The following CTNNAL1 variants were observed in gnomAD, a reference collection of about 807,000 sequenced individuals.
The protein encoded by CTNNAL1 is catenin alpha like 1.
In CTNNAL1, 69 loss-of-function variants were observed where a neutral mutation model predicts 93.6. That is an observed-to-expected ratio of 0.74 (90% confidence interval 0.61 to 0.90). The LOEUF is 0.90. CTNNAL1 is among the 40% of genes least tolerant of loss of function. The pLI, the probability that CTNNAL1 is intolerant of heterozygous loss-of-function variation, is 0.00. For missense variants in CTNNAL1, 836 were observed against 862.0 expected (o/e 0.97, Z 0.38); for synonymous variants, 286 against 305.4 (o/e 0.94, Z 0.66).
At chr9:108,999,299 TC>T (rs201957388) in intron 1 of CTNNAL1, 43 bp from the exon 2 acceptor site, 765 of 1,517,268 alleles carry the variant, frequency 5.0e-4, no homozygotes, top group Admixed American at 2.3e-3. Context: ...CAATACCTTT[TC>T]TTTTTTAAGC....
chr9:109,001,522 T>C (rs906189690), intron 1 of CTNNAL1, among the ~76,000 whole-genome samples: 9 of 152,174 alleles, frequency 5.9e-5, no homozygotes, highest in African/African-American at 2.2e-4. Flanking sequence ...GAGTAGGTCA[T>C]AGAACACATA....
chr9:108,948,052 A>T, intron 15 of CTNNAL1, 134 bp downstream of exon 15: 1 of 1,018,988 alleles, frequency 9.8e-7, no homozygotes, highest in Non-Finnish European at 1.4e-6. Context: ...CTACTTTTCT[A>T]CTGCTCTCTG....
In CTNNAL1 at chr9:108,979,594, A is replaced by C. The variant is rs1831367706; in HGVS notation, c.901-113T>G. The C allele has an allele frequency of 5.2e-6, 5 of 956,716 alleles. No homozygotes were observed. The Admixed American group carries it at 1.2e-4, about 22-fold the overall frequency. 59.3% of individuals were successfully genotyped at this position (956,716 alleles called of 1,614,324 possible). ...AAAACACTAGCATTTCCTTTTCCCAAGCTGAGGGGAAATACAGCCACCAAT... is the reference window on the plus strand; with the variant it reads ...AAAACACTAGCATTTCCTTTTCCCACGCTGAGGGGAAATACAGCCACCAAT... On this transcript the variant is annotated intron_variant, in intron 6 of 18. Transcript: ENST00000325551.
rs371024182 is a variant in CTNNAL1 at position 108,984,340 on chromosome 9, G to T, written c.729+7C>A. ...TTTATTACACAGTAAAACCAAAATT[G>T]TCTTACCTTTGAAGCTGTGAGAAGC... On this transcript the variant is annotated splice_region_variant and intron_variant, in intron 5 of 18. Transcript: ENST00000325551. 43 of 1,558,106 alleles carry T rather than the reference G, an allele frequency of 2.8e-5. No homozygotes were observed. In the African/African-American group the frequency reaches 5.3e-4, roughly 19 times the overall value.
chr9:109,003,790 G>A (rs1826927026), intron 1 of CTNNAL1, among the ~76,000 whole-genome samples: 1 of 152,204 alleles, frequency 6.6e-6, no homozygotes, highest in African/African-American at 2.4e-5. Flanking sequence ...CAACATCATG[G>A]ATTTCCAGCT....
At position 108,992,390 on chromosome 9, in the gene CTNNAL1, C is replaced by CTT. The variant is rs76492886; in HGVS notation, c.519+240_519+241dup. 6.0e-4 allele frequency among the ~76,000 whole-genome samples: 84 copies of CTT among 139,988 alleles called. 2 individuals are homozygous for CTT. In the East Asian group the frequency reaches 0.014, roughly 23 times the overall value. The allele number at this position is 139,988 out of a possible 152,430, so 91.8% of individuals were successfully genotyped here. ...TACAATTAACCTAAAAAGAACTTTTCTTTTTTTTTTTTTTTAAGCAACGCT... is the reference window on the plus strand; with the variant it reads ...TACAATTAACCTAAAAAGAACTTTTCTTTTTTTTTTTTTTTTTAAGCAACGCT... On this transcript the variant is annotated intron_variant, in intron 3 of 18. Transcript: ENST00000325551.
chr9:108,976,059 G>T (rs1587965693), intron 8 of CTNNAL1, among the ~76,000 whole-genome samples: 2 of 152,280 alleles, frequency 1.3e-5, no homozygotes, highest in Middle Eastern at 6.8e-3. Context: ...ATACTGTTCA[G>T]TGAGTTTTGA....
chr9:108,979,915 A>C (rs1457447804), intron 6 of CTNNAL1, among the ~76,000 whole-genome samples: 1 of 152,234 alleles, frequency 6.6e-6, no homozygotes, highest in Non-Finnish European at 1.5e-5. Context: ...GGGTGTGAGA[A>C]GCACTGGGGA....
chr9:108,987,780 C>G lies in CTNNAL1; in HGVS notation c.639+2946G>C, dbSNP rs190639966. On this transcript the variant is annotated intron_variant, in intron 4 of 18. Coordinates refer to ENST00000325551, the MANE Select transcript of CTNNAL1 (RefSeq NM_003798.4). ...GTTGGATTCCTAAGTATTTTATTCT[C>G]TTTGAAGCAATTGTGAATGGGAGTT... 2.8e-3 allele frequency among the ~76,000 whole-genome samples: 420 copies of G among 152,318 alleles called. 1 individual carries two copies. Among genetic ancestry groups the G allele is most frequent in the Middle Eastern group, 6.8e-3 (2 of 294 alleles).
chr9:108,999,198 G>T lies in CTNNAL1; in HGVS notation c.200C>A (p.Ala67Glu). 1 of 1,612,230 alleles carries T rather than the reference G, an allele frequency of 6.2e-7. No homozygotes were observed. The highest frequency in any genetic ancestry group is 8.5e-7 in the Non-Finnish European group (1 of 1,179,318). Residue 67 changes from alanine (A) to glutamate (E), a missense_variant, in exon 2 of 19, where the codon GCA (alanine) becomes GAA (glutamate). Ala to Glu is a moderately radical substitution (Grantham distance 107). Coordinates refer to ENST00000325551, the MANE Select transcript of CTNNAL1 (RefSeq NM_003798.4). ...NTKKSDKTLQAIQRVGQAVNL... is the reference protein window; with the variant it reads ...NTKKSDKTLQEIQRVGQAVNL... ...GACAGCTTGTCCTACACGCTGAATT[G>T]CTTGCAGAGTTTTATCAGACTTTTT...
intron 11 of CTNNAL1, among the ~76,000 whole-genome samples, chr9:108,956,549 TTTC>T (rs1830692838): frequency 6.6e-6 from 1 of 152,180 alleles, no homozygotes; most frequent in Non-Finnish European, 1.5e-5. Flanking sequence ...TGAAGAAAAA[TTTC>T]TTCTTCAAGG....
intron 15 of CTNNAL1, among the ~76,000 whole-genome samples, chr9:108,947,445 C>T (rs142137787): frequency 4.6e-4 from 70 of 152,276 alleles, no homozygotes; most frequent in African/African-American, 1.6e-3. Context: ...CTCAGATGTA[C>T]ATGGGAATGC....
intron 2 of CTNNAL1, among the ~76,000 whole-genome samples, chr9:108,996,110 G>A (rs1463297491): frequency 2.6e-5 from 4 of 151,870 alleles, no homozygotes; most frequent in Admixed American, 6.6e-5. Context: ...CTGGAGGCAC[G>A]CACCACCACA....
At chr9:108,944,917 C>G (rs1471238522) in intron 15 of CTNNAL1, among the ~76,000 whole-genome samples, 6 of 152,226 alleles carry the variant, frequency 3.9e-5, no homozygotes, top group Admixed American at 1.3e-4. Context: ...TTGCAACCTT[C>G]CCTTTAAAAG....
At chr9:108,960,174 G>T (rs1352414157) in intron 11 of CTNNAL1, among the ~76,000 whole-genome samples, 1 of 152,154 alleles carries the variant, frequency 6.6e-6, no homozygotes, top group African/African-American at 2.4e-5. Context: ...CAGCTTATCA[G>T]CTAAACTCAG....
intron 11 of CTNNAL1, among the ~76,000 whole-genome samples, chr9:108,958,414 G>A (rs551994403): frequency 6.6e-6 from 1 of 152,272 alleles, no homozygotes; most frequent in African/African-American, 2.4e-5. Flanking sequence ...CATCCACCTA[G>A]TAGTATTTAT....
At chr9:108,991,122 A>C (rs762926177) in intron 3 of CTNNAL1, among the ~76,000 whole-genome samples, 5 of 152,254 alleles carry the variant, frequency 3.3e-5, no homozygotes, top group Non-Finnish European at 7.3e-5. Context: ...TATACAAAGG[A>C]AGGGATCATT....
chr9:108,992,877 T>G, intron 2 of CTNNAL1, 58 bp from the exon 3 acceptor site: 1 of 1,518,174 alleles, frequency 6.6e-7, no homozygotes, highest in Non-Finnish European at 8.8e-7. Context: ...AATCTAGACT[T>G]CTCTCTAACC....
At position 108,955,854 on chromosome 9, in the gene CTNNAL1, A is replaced by T. The variant is rs374375001; in HGVS notation, c.1592-27T>A. ...TACAAATAACACATATAACTTAAAA[A>T]ATTTTTTCTATTAATATATTTTTCT... is the stretch of plus-strand genomic sequence containing the variant. On this transcript the variant is annotated intron_variant, in intron 11 of 18. Coordinates refer to ENST00000325551, the MANE Select transcript of CTNNAL1 (RefSeq NM_003798.4). 5.5e-5 allele frequency: 81 copies of T among 1,467,462 alleles called. No individual in the cohort carries two copies. The Middle Eastern group carries it at 9.1e-4, about 17-fold the overall frequency. 90.9% of individuals were successfully genotyped at this position (1,467,462 alleles called of 1,614,324 possible).
Sources: allele counts gnomAD v4.1 joint callset (sites outside exome capture counted in the v4.1 genomes callset), GRCh38; gene constraint gnomAD v4.1.1; transcripts MANE v1.5; gene names NCBI Gene and HGNC (gene_info 2026-07-23, HGNC 2026-07-21).